Variants in ASZ1 observed in about 807,000 individuals in gnomAD.
The protein encoded by ASZ1 is ankyrin repeat, SAM and basic leucine zipper domain containing 1.
In ASZ1, 67 loss-of-function variants were observed where a neutral mutation model predicts 61.8. That is an observed-to-expected ratio of 1.08 (90% confidence interval 0.89 to 1.33). The LOEUF (loss-of-function observed/expected upper bound fraction) is 1.33. Ranked by LOEUF, ASZ1 falls within the 40% of genes most tolerant of loss-of-function variation. The pLI is 0.00. For synonymous variants in ASZ1, 193 were observed against 192.7 expected, an observed-to-expected ratio of 1.00 and a Z score of -0.01; for missense variants, 577 against 554.5, an observed-to-expected ratio of 1.04 and a Z score of -0.41.
intron 4 of ASZ1, among the ~76,000 whole-genome samples, chr7:117,402,839 C>A (rs1584734998): frequency 6.6e-6 from 1 of 152,136 alleles, no homozygotes; most frequent in Non-Finnish European, 1.5e-5. Flanking sequence ...ATTTAATAAA[C>A]CTGGACCCTT....
intron 4 of ASZ1, among the ~76,000 whole-genome samples, chr7:117,396,876 A>T (rs931293855): frequency 9.2e-5 from 14 of 152,236 alleles, no homozygotes; most frequent in African/African-American, 3.4e-4. Flanking sequence ...GTAACCTATT[A>T]AAATCTCTGA....
At chr7:117,405,902 A>G (rs1796773351) in intron 4 of ASZ1, among the ~76,000 whole-genome samples, 1 of 152,180 alleles carries the variant, frequency 6.6e-6, no homozygotes, top group Non-Finnish European at 1.5e-5. Flanking sequence ...AGCAATCTCC[A>G]CCTAGCAACC....
At chr7:117,415,759 A>G (rs1156711732) in intron 4 of ASZ1, among the ~76,000 whole-genome samples, 1 of 152,228 alleles carries the variant, frequency 6.6e-6, no homozygotes, top group Non-Finnish European at 1.5e-5. Context: ...AAAATGAAAT[A>G]TAAAACAACA....
chr7:117,426,794 T>TA, intron 2 of ASZ1, 42 bp downstream of exon 2: 5 of 1,511,424 alleles, frequency 3.3e-6, no homozygotes, highest in Non-Finnish European at 4.5e-6. Flanking sequence ...CTTGCGAACT[T>TA]AAGACAGCTG....
intron 4 of ASZ1, among the ~76,000 whole-genome samples, chr7:117,401,742 CCCTGTACAG>C (rs1796685579): frequency 6.6e-6 from 1 of 152,136 alleles, no homozygotes; most frequent in Non-Finnish European, 1.5e-5. Flanking sequence ...GTCTCTAATC[CCCTGTACAG>C]CCTGCATTCC....
chr7:117,369,135 T>C (rs764703810), intron 10 of ASZ1, among the ~76,000 whole-genome samples: 4 of 152,196 alleles, frequency 2.6e-5, no homozygotes, highest in Non-Finnish European at 4.4e-5. Context: ...TCAGGGGGAA[T>C]GAATTTAGTA....
Position 117,422,311 on chromosome 7 carries a change from T to C in ASZ1, c.254A>G (p.Tyr85Cys), listed in dbSNP as rs141227831. 29 of 1,613,622 alleles carry C rather than the reference T, an allele frequency of 1.8e-5. No homozygotes were observed. Among genetic ancestry groups the C allele is most frequent in the Non-Finnish European group, 2.3e-5 (27 of 1,179,736 alleles). Residue 85 changes from tyrosine to cysteine, a missense_variant, in exon 3 of 13, where the codon TAT becomes TGT. Physicochemically the swap from Tyr to Cys is radical, Grantham distance 194 (BLOSUM62 -2). Coordinates refer to ENST00000284629, the MANE Select transcript of ASZ1 (RefSeq NM_130768.3). ...CTCTGCATTGGCAACACTAGCAGCATACATAAGGGGAGTCCATCCATACTG... is the reference window on the plus strand; with the variant it reads ...CTCTGCATTGGCAACACTAGCAGCACACATAAGGGGAGTCCATCCATACTG... ...NFQYGWTPLM[Y>C]AASVANAELV...
chr7:117,425,947 A>T (rs1584747591), intron 2 of ASZ1, among the ~76,000 whole-genome samples: 2 of 152,190 alleles, frequency 1.3e-5, no homozygotes, highest in African/African-American at 4.8e-5. Context: ...GTGAGCGAAG[A>T]TGGTGCCACT....
At chr7:117,393,084 T>G (rs1796504440) in intron 4 of ASZ1, among the ~76,000 whole-genome samples, 3 of 151,908 alleles carry the variant, frequency 2.0e-5, no homozygotes. Flanking sequence ...TGACCTCAGG[T>G]GATCCGCCCA....
intron 2 of ASZ1, among the ~76,000 whole-genome samples, chr7:117,425,411 G>A (rs1035274393): frequency 6.6e-6 from 1 of 151,382 alleles, no homozygotes. Context: ...GACTACAGGC[G>A]CCCGCCACCA....
intron 12 of ASZ1, among the ~76,000 whole-genome samples, chr7:117,366,417 G>A (rs1172675817): frequency 6.6e-6 from 1 of 152,058 alleles, no homozygotes; most frequent in Non-Finnish European, 1.5e-5. Flanking sequence ...ATGGGTTGAA[G>A]CTGTATAAAT....
intron 12 of ASZ1, among the ~76,000 whole-genome samples, chr7:117,364,413 G>C (rs1458610413): frequency 5.5e-5 from 6 of 108,118 alleles, no homozygotes; most frequent in African/African-American, 3.1e-4. Context: ...GTGAGAGACA[G>C]AGAGACAGAG....
At chr7:117,383,149 G>A (rs1465469472) in intron 6 of ASZ1, 39 bp from the exon 7 acceptor site, 1 of 1,480,886 alleles carries the variant, frequency 6.8e-7, no homozygotes, top group Non-Finnish European at 9.0e-7. Flanking sequence ...AATTAACATT[G>A]CATACTGTAA....
rs184458167 is a variant in ASZ1, at chr7:117,382,347, C to T, written c.813-203G>A. 8.4e-4 allele frequency among the ~76,000 whole-genome samples: 128 copies of T among 152,098 alleles called. 1 individual carries two copies. Among genetic ancestry groups the T allele is most frequent in the Admixed American group, 4.9e-3 (75 of 15,262 alleles). ...TATATGAGGAGTATAACTCATCTTT[C>T]CCCAAATGAAAATATATGCCAGTAT... On this transcript the variant is annotated intron_variant, in intron 7 of 12. Transcript: ENST00000284629.
chr7:117,389,697 C>T (rs560384521), intron 4 of ASZ1, among the ~76,000 whole-genome samples: 8 of 152,322 alleles, frequency 5.3e-5, no homozygotes, highest in South Asian at 2.1e-4. Flanking sequence ...CCTGCACCCT[C>T]GGGCAACACT....
rs1158648779 is a variant in ASZ1, at chr7:117,384,842, G to A, written c.571C>T (p.Arg191Cys). ...NGYTALTWAARQGHKNIVLKL... is the reference protein window; with the variant it reads ...NGYTALTWAACQGHKNIVLKL... The stretch of plus-strand genomic sequence containing the variant: ...AAAACTATATTTTTATGACCCTGAC[G>A]TGCTGCCCACGTTAAAGCCTGTAAG... The change falls in exon 6 of 13, where the codon CGT becomes TGT. Residue 191 changes from arginine to cysteine, a missense_variant. Arg to Cys is a radical substitution (Grantham distance 180). Transcript: ENST00000284629. 96 of 1,601,574 alleles carry A rather than the reference G, an allele frequency of 6.0e-5. No homozygotes were observed. Among genetic ancestry groups the A allele is most frequent in the Admixed American group, 1.6e-4 (9 of 57,748 alleles).
chr7:117,426,848 G>A lies in ASZ1; in HGVS notation c.193C>T (p.Leu65Phe), dbSNP rs1258590997. 1.2e-6 allele frequency: 2 copies of A among 1,604,150 alleles called. No individual in the cohort carries two copies. The highest frequency in any genetic ancestry group is 1.7e-5 in the Admixed American group (1 of 57,502). Reference protein sequence around the residue: ...TIGDVSLVQELLDSGISVDSN... With the variant: ...TIGDVSLVQEFLDSGISVDSN... Reference sequence around the variant, plus strand: ...CCTTATCTCTCACCAGAATCTAGGAGCTCCTGGACCAATGAAACATCTCCG... The same window carrying A: ...CCTTATCTCTCACCAGAATCTAGGAACTCCTGGACCAATGAAACATCTCCG... Residue 65 changes from leucine (L) to phenylalanine (F), a missense_variant, in exon 2 of 13, where the codon CTC becomes TTC. By Grantham distance (22) the Leu-to-Phe change is conservative. Transcript: ENST00000284629.
At chr7:117,383,329 C>T (rs558917933) in intron 6 of ASZ1, among the ~76,000 whole-genome samples, 1 of 152,062 alleles carries the variant, frequency 6.6e-6, no homozygotes, top group East Asian at 1.9e-4. Context: ...TTTTGATACA[C>T]ATATACAATG....
chr7:117,384,794 T>C lies in ASZ1; in HGVS notation c.619A>G (p.Asn207Asp). 6.2e-7 allele frequency: 1 copy of C among 1,611,196 alleles called. No homozygotes were observed. Among genetic ancestry groups the C allele is most frequent in the South Asian group, 1.1e-5 (1 of 90,520 alleles). The change falls in exon 6 of 13, where the codon AAT (asparagine) becomes GAT (aspartate). Residue 207 changes from asparagine to aspartate, a missense_variant. Physicochemically the swap from Asn to Asp is conservative, Grantham distance 23. Transcript: ENST00000284629. Reference protein sequence around the residue: ...IVLKLLELGANKMLQTKDGKM... With the variant: ...IVLKLLELGADKMLQTKDGKM... ...CCATCTTTGGTTTGTAGCATTTTAT[T>C]AGCTCCAAGTTCAAGCAACTTCAAA... is the stretch of plus-strand genomic sequence containing the variant.
Sources: allele counts gnomAD v4.1 joint callset (sites outside exome capture counted in the v4.1 genomes callset), GRCh38; gene constraint gnomAD v4.1.1; transcripts MANE v1.5; gene names NCBI Gene and HGNC (gene_info 2026-07-23, HGNC 2026-07-21).